Variants in RAB11B observed in about 807,000 individuals in gnomAD.
RAB11B encodes the protein RAB11B, member RAS oncogene family.
In RAB11B, 7 loss-of-function variants were observed where a neutral mutation model predicts 23.7. The observed-to-expected ratio is 0.29, with a 90% CI of 0.17 to 0.55. RAB11B has a LOEUF of 0.55. RAB11B is among the 20% of genes least tolerant of loss of function. RAB11B has a pLI of 0.93. For missense variants in RAB11B, 189 were observed against 320.0 expected (o/e 0.59, Z 3.12); for synonymous variants, 138 against 132.0 (o/e 1.05, Z -0.31).
chr19:8,390,392 C>T lies in RAB11B; in HGVS notation c.-25C>T, dbSNP rs1207035747. The T allele has an allele frequency of 2.6e-6, 4 of 1,527,622 alleles. No homozygotes were observed. The highest frequency in any genetic ancestry group is 2.7e-5 in the East Asian group (1 of 37,154). The allele number at this position is 1,527,622 out of a possible 1,614,324, so 94.6% of individuals were successfully genotyped here. ...GTTTGTGGTGGGGCTGCGGAGTCGC[C>T]GATCCCGCCGGAAGCGCCAGGACAA... On this transcript the variant is annotated 5_prime_UTR_variant, in exon 1 of 5. Transcript: ENST00000328024.
rs1039303139 is a variant in RAB11B, at chr19:8,390,424, C to A, written c.8C>A (p.Thr3Asn). The A allele has an allele frequency of 6.5e-7, 1 of 1,527,054 alleles. No homozygotes were observed. Among genetic ancestry groups the A allele is most frequent in the Non-Finnish European group, 8.8e-7 (1 of 1,141,716 alleles). The allele number at this position is 1,527,054 out of a possible 1,614,324, so 94.6% of individuals were successfully genotyped here. A position where few individuals can be genotyped will look rare whatever the true frequency, so the allele number is the denominator to read the frequency against. MG[T>N]RDDEYDYLFK... ...GCCGGAAGCGCCAGGACAATGGGGA[C>A]CCGGGACGACGAGTACGACTACCTA... The change falls in exon 1 of 5, where the codon ACC (threonine) becomes AAC (asparagine). Residue 3 changes from threonine (T) to asparagine (N), a missense_variant. Coordinates refer to ENST00000328024, the MANE Select transcript of RAB11B (RefSeq NM_004218.4).
At chr19:8,393,009 G>C (rs1237096672) in intron 1 of RAB11B, among the ~76,000 whole-genome samples, 28 of 115,516 alleles carry the variant, frequency 2.4e-4, no homozygotes, top group Middle Eastern at 4.3e-3. Flanking sequence ...TTTTTTTTTT[G>C]GTGGCCACAT....
rs975784581 is a variant in RAB11B at position 8,396,651 on chromosome 19, C to T, written c.41-3212C>T. On this transcript the variant is annotated intron_variant, in intron 1 of 4. Transcript: ENST00000328024. This position sits in a 1 kb window ranked among gnomAD's most constrained non-coding sequence, Gnocchi z 5.0. The stretch of plus-strand genomic sequence containing the variant: ...CCGTGCAAAGGCCCTGAGGCAGGAT[C>T]GCACCTGGCGTGTTGGGGGAACAGC... Among the ~76,000 whole-genome samples the T allele has an allele frequency of 1.8e-4, 26 of 148,482 alleles. No individual in the cohort carries two copies. Among genetic ancestry groups the T allele is most frequent in the African/African-American group, 3.0e-4 (12 of 40,246 alleles).
intron 3 of RAB11B, 80 bp downstream of exon 3, chr19:8,402,359 GC>G: frequency 1.3e-6 from 2 of 1,528,072 alleles, no homozygotes; most frequent in Non-Finnish European, 1.8e-6. Context: ...CCTGGCCACA[GC>G]CCTGGCTTCC....
Position 8,403,713 on chromosome 19 carries a change from C to T in RAB11B, c.*155C>T. 1 of 1,082,424 alleles carries T rather than the reference C, an allele frequency of 9.2e-7. No homozygotes were observed. Among genetic ancestry groups the T allele is most frequent in the South Asian group, 1.7e-5 (1 of 57,968 alleles). 67.1% of individuals were successfully genotyped at this position (1,082,424 alleles called of 1,614,324 possible). ...GCCGGGGCCCAGGAAGGACAGGAGC[C>T]AGTGCTACCCCGTCCTGCCCGGGGA... is the stretch of plus-strand genomic sequence containing the variant. On this transcript the variant is annotated 3_prime_UTR_variant, in exon 5 of 5. Coordinates refer to ENST00000328024, the MANE Select transcript of RAB11B (RefSeq NM_004218.4).
At position 8,403,267 on chromosome 19, in the gene RAB11B, C is replaced by T. The variant is rs6603065; in HGVS notation, c.512-146C>T. 3,714 of 1,024,556 alleles carry T rather than the reference C, an allele frequency of 3.6e-3. 101 individuals carry two copies. In the African/African-American group the frequency reaches 0.053, roughly 15 times the overall value. The allele number at this position is 1,024,556 out of a possible 1,614,324, so 63.5% of individuals were successfully genotyped here. ...ACCAGATGTGGGTCCTGGCTGGGTG[C>T]GCAGCCCCTGTCCTTGTTACCCCTG... On this transcript the variant is annotated intron_variant, in intron 4 of 4. Coordinates refer to ENST00000328024, the MANE Select transcript of RAB11B (RefSeq NM_004218.4).
In RAB11B at chr19:8,403,776, C is replaced by T. The variant is rs1051065840; in HGVS notation, c.*218C>T. On this transcript the variant is annotated 3_prime_UTR_variant, in exon 5 of 5. Coordinates refer to ENST00000328024, the MANE Select transcript of RAB11B (RefSeq NM_004218.4). ...CCCGGTTTGCTGCACCCATGAAACT[C>T]GGGTCCCCACAGCGTCTTGGCGGGG... The T allele has an allele frequency of 8.6e-5, 52 of 607,818 alleles. No homozygotes were observed. The highest frequency in any genetic ancestry group is 1.9e-4 in the African/African-American group (10 of 52,756). 37.7% of individuals were successfully genotyped at this position (607,818 alleles called of 1,614,324 possible).
chr19:8,402,747 C>T, intron 4 of RAB11B, 182 bp downstream of exon 4: 1 of 598,704 alleles, frequency 1.7e-6, no homozygotes, highest in Non-Finnish European at 2.9e-6. Context: ...ACTGCAACCT[C>T]CGCCTTCCAG....
intron 1 of RAB11B, among the ~76,000 whole-genome samples, chr19:8,397,325 G>T (rs140957403): frequency 6.6e-6 from 1 of 152,248 alleles, no homozygotes; most frequent in Non-Finnish European, 1.5e-5. Flanking sequence ...CCTGGATGGG[G>T]TCACCTGGGG....
intron 1 of RAB11B, among the ~76,000 whole-genome samples, chr19:8,392,427 C>A (rs552125754): frequency 6.9e-6 from 1 of 144,732 alleles, no homozygotes; most frequent in African/African-American, 2.6e-5. Flanking sequence ...TTAGCTTCTG[C>A]GGCATCTGGC....
chr19:8,402,358 A>G, intron 3 of RAB11B, 79 bp downstream of exon 3: 1 of 1,527,416 alleles, frequency 6.5e-7, no homozygotes, highest in East Asian at 2.4e-5. Context: ...CCCTGGCCAC[A>G]GCCCTGGCTT....
chr19:8,392,465 G>A (rs1365261448), intron 1 of RAB11B, among the ~76,000 whole-genome samples: 1 of 151,822 alleles, frequency 6.6e-6, no homozygotes, highest in African/African-American at 2.4e-5. Flanking sequence ...TGTGGGGTGG[G>A]GGGGGGCGGT....
intron 1 of RAB11B, among the ~76,000 whole-genome samples, chr19:8,392,700 T>C (rs1324530387): frequency 7.0e-6 from 1 of 143,102 alleles, no homozygotes; most frequent in Non-Finnish European, 1.5e-5. Context: ...TTTTTTTTTT[T>C]TTTTTTTGAG....
At chr19:8,397,355 G>A (rs1971404957) in intron 1 of RAB11B, among the ~76,000 whole-genome samples, 1 of 152,140 alleles carries the variant, frequency 6.6e-6, no homozygotes, top group African/African-American at 2.4e-5. Flanking sequence ...GGACAGAGAT[G>A]CCTGTCCTGA....
intron 4 of RAB11B, chr19:8,402,944 T>G (rs1486758493): frequency 7.1e-6 from 3 of 421,890 alleles, no homozygotes; most frequent in Non-Finnish European, 1.3e-5. Context: ...ATTACAGGCG[T>G]GAGCCACTGC....
At chr19:8,401,287 A>C (rs1971435000) in intron 2 of RAB11B, among the ~76,000 whole-genome samples, 1 of 145,572 alleles carries the variant, frequency 6.9e-6, no homozygotes, top group Non-Finnish European at 1.5e-5. Context: ...TCACCGCATT[A>C]GCCAGGATGG....
rs540854052 is a variant in RAB11B, at chr19:8,399,476, G to T, written c.41-387G>T. 7.2e-5 allele frequency among the ~76,000 whole-genome samples: 11 copies of T among 152,290 alleles called. No homozygotes were observed. In the East Asian group the frequency reaches 2.1e-3, roughly 29 times the overall value. ...CCAGAGGTGAAGTGACTTGCCCAAG[G>T]TCACCCCGCTCAGGAGCCTTCTCAA... On this transcript the variant is annotated intron_variant, in intron 1 of 4. Transcript: ENST00000328024.
chr19:8,401,976 G>A (rs1971441082), intron 2 of RAB11B, 110 bp from the exon 3 acceptor site: 1 of 1,120,194 alleles, frequency 8.9e-7, no homozygotes, highest in African/African-American at 1.6e-5. Context: ...ACTGCCCCTT[G>A]GCTCGGCCCT....
intron 2 of RAB11B, chr19:8,400,360 T>C (rs937520878): frequency 4.5e-6 from 2 of 440,446 alleles, no homozygotes; most frequent in Admixed American, 7.0e-5. Context: ...CTCCCTCAGC[T>C]TCCCTCCTCA....
Sources: allele counts gnomAD v4.1 joint callset (sites outside exome capture counted in the v4.1 genomes callset), GRCh38; gene constraint gnomAD v4.1.1; non-coding constraint Gnocchi (gnomAD v3.1); transcripts MANE v1.5; gene names NCBI Gene and HGNC (gene_info 2026-07-23, HGNC 2026-07-21).